The following IMMP2L variants were observed in gnomAD, a reference collection of about 807,000 sequenced individuals.
The protein encoded by IMMP2L is inner mitochondrial membrane peptidase subunit 2.
Under a neutral mutation model 19.3 loss-of-function variants are expected in IMMP2L, and 18 were observed. The observed-to-expected ratio is 0.93, with a 90% CI of 0.64 to 1.38. The LOEUF (loss-of-function observed/expected upper bound fraction) is 1.38. Among genes scored for constraint, IMMP2L ranks in the 40% most tolerant of loss-of-function variants. The pLI is 0.00. For missense variants in IMMP2L, 233 were observed against 218.2 expected (o/e 1.07, Z -0.43); for synonymous variants, 76 against 73.0 (o/e 1.04, Z -0.21).
At chr7:111,277,905 T>C (rs768180903) in intron 3 of IMMP2L, among the ~76,000 whole-genome samples, 15 of 152,090 alleles carry the variant, frequency 9.9e-5, no homozygotes, top group Non-Finnish European at 1.9e-4. Context: ...TATTCAGCCA[T>C]AAAAAAGAAT....
intron 3 of IMMP2L, among the ~76,000 whole-genome samples, chr7:111,180,985 A>G (rs1196984897): frequency 1.3e-5 from 2 of 152,036 alleles, no homozygotes; most frequent in Non-Finnish European, 2.9e-5. Context: ...AATTTTTATA[A>G]CCACCGAATA....
At chr7:111,447,079 G>C (rs1248382672) in intron 3 of IMMP2L, among the ~76,000 whole-genome samples, 1 of 143,794 alleles carries the variant, frequency 7.0e-6, no homozygotes, top group African/African-American at 2.6e-5. Context: ...ATCTACGTCT[G>C]ATTGGTGTAC....
intron 1 of IMMP2L, among the ~76,000 whole-genome samples, chr7:111,522,638 A>G (rs1277115547): frequency 6.6e-6 from 1 of 152,046 alleles, no homozygotes; most frequent in Admixed American, 6.6e-5. Context: ...AAAAGGCAAC[A>G]AGTGCTGGCA....
At chr7:111,551,115 G>A (rs140402288) in intron 1 of IMMP2L, among the ~76,000 whole-genome samples, 28 of 152,096 alleles carry the variant, frequency 1.8e-4, no homozygotes, top group South Asian at 1.7e-3. Context: ...ATACAATTCC[G>A]TAACTAGAAC....
intron 5 of IMMP2L, among the ~76,000 whole-genome samples, chr7:110,769,039 T>C (rs1798860796): frequency 1.3e-5 from 2 of 152,328 alleles, no homozygotes; most frequent in South Asian, 4.1e-4. Flanking sequence ...GCTGCTAAAG[T>C]CCATGTAAAT....
At chr7:111,307,119 T>C (rs1822968476) in intron 3 of IMMP2L, among the ~76,000 whole-genome samples, 1 of 151,362 alleles carries the variant, frequency 6.6e-6, no homozygotes, top group South Asian at 2.1e-4. Flanking sequence ...AATAAGCACC[T>C]CTATTATACA....
intron 3 of IMMP2L, among the ~76,000 whole-genome samples, chr7:111,094,433 T>A (rs919540214): frequency 6.6e-6 from 1 of 152,094 alleles, no homozygotes; most frequent in Admixed American, 6.6e-5. Context: ...ATAATGTGGC[T>A]CCAGCCAGTC....
chr7:110,952,012 T>C (rs943844383), intron 4 of IMMP2L, among the ~76,000 whole-genome samples: 3 of 152,150 alleles, frequency 2.0e-5, no homozygotes, highest in African/African-American at 7.2e-5. Context: ...TTCAAGACTC[T>C]TTCTGACATG....
intron 3 of IMMP2L, among the ~76,000 whole-genome samples, chr7:111,185,521 T>C (rs1349240106): frequency 1.3e-5 from 2 of 152,136 alleles, no homozygotes; most frequent in Admixed American, 6.6e-5. Context: ...GTTGTGAGCA[T>C]ATTACCTCAA....
At chr7:111,056,960 A>C (rs1380048356) in intron 3 of IMMP2L, among the ~76,000 whole-genome samples, 1 of 152,180 alleles carries the variant, frequency 6.6e-6, no homozygotes, top group Non-Finnish European at 1.5e-5. Flanking sequence ...TCAACTGTAT[A>C]CAAGTACCCC....
At chr7:110,973,936 T>C (rs1820422942) in intron 3 of IMMP2L, among the ~76,000 whole-genome samples, 1 of 152,060 alleles carries the variant, frequency 6.6e-6, no homozygotes, top group African/African-American at 2.4e-5. Context: ...TAAGTCAAAA[T>C]GGGGCCAAAC....
At chr7:111,382,575 T>G (rs1474944439) in intron 3 of IMMP2L, among the ~76,000 whole-genome samples, 1 of 152,028 alleles carries the variant, frequency 6.6e-6, no homozygotes, top group Non-Finnish European at 1.5e-5. Context: ...TTTGGGGTAT[T>G]GTCATTTTTT....
chr7:111,146,094 G>A (rs1227490734), intron 3 of IMMP2L, among the ~76,000 whole-genome samples: 1 of 152,092 alleles, frequency 6.6e-6, no homozygotes, highest in Non-Finnish European at 1.5e-5. Context: ...AAGTTGTAAT[G>A]TAATATACCC....
chr7:111,496,525 G>A (rs1189031180), intron 2 of IMMP2L, among the ~76,000 whole-genome samples: 1 of 152,166 alleles, frequency 6.6e-6, no homozygotes, highest in Non-Finnish European at 1.5e-5. Context: ...CCCAACATGG[G>A]CAGGCACCAT....
At chr7:110,712,101 TC>T (rs543124703) in intron 5 of IMMP2L, among the ~76,000 whole-genome samples, 2,915 of 83,868 alleles carry the variant, frequency 0.035, 308 homozygotes, top group African/African-American at 0.086. Context: ...TTTTAGAGTT[TC>T]CAGTTTTTCT....
rs538065064 is a variant in IMMP2L, at chr7:110,829,058, T to G, written c.408+57535A>C. 3.3e-5 allele frequency among the ~76,000 whole-genome samples: 5 copies of G among 152,286 alleles called. No homozygotes were observed. In the South Asian group the frequency reaches 1.0e-3, roughly 32 times the overall value. ...TATGGCTATTTAAAGTTTATATCCT[T>G]GTATATCACATTGTTCAAGCTTCCT... On this transcript the variant is annotated intron_variant, in intron 5 of 5. Coordinates refer to ENST00000405709, the MANE Select transcript of IMMP2L (RefSeq NM_032549.4).
At chr7:111,208,410 A>G (rs1361824238) in intron 3 of IMMP2L, among the ~76,000 whole-genome samples, 1 of 152,080 alleles carries the variant, frequency 6.6e-6, no homozygotes, top group African/African-American at 2.4e-5. Context: ...TAATTAATAG[A>G]CCCTTTAAAT....
chr7:111,230,202 A>C (rs1205082758), intron 3 of IMMP2L, among the ~76,000 whole-genome samples: 1 of 152,046 alleles, frequency 6.6e-6, no homozygotes, highest in Non-Finnish European at 1.5e-5. Context: ...AAAATGGGGA[A>C]GTTAGTGCTC....
intron 4 of IMMP2L, among the ~76,000 whole-genome samples, chr7:110,893,002 C>A (rs780329996): frequency 2.0e-5 from 3 of 152,214 alleles, no homozygotes; most frequent in Non-Finnish European, 4.4e-5. Context: ...TAGAATTTTA[C>A]ATACAGGCAT....
Sources: allele counts gnomAD v4.1 joint callset (sites outside exome capture counted in the v4.1 genomes callset), GRCh38; gene constraint gnomAD v4.1.1; transcripts MANE v1.5; gene names NCBI Gene and HGNC (gene_info 2026-07-23, HGNC 2026-07-21).